Variants in STAB2 observed in about 807,000 individuals in gnomAD.
STAB2 encodes stabilin 2, also known as stabilin-2.
Under a neutral mutation model 338.1 loss-of-function variants are expected in STAB2, and 288 were observed. The ratio of observed to expected loss-of-function variants is 0.85; its 90% CI spans 0.77 to 0.94. The LOEUF (loss-of-function observed/expected upper bound fraction) is 0.94. STAB2 is among the 40% of genes least tolerant of loss of function. The pLI is 0.00. For missense variants in STAB2, 3,141 were observed against 3,210.1 expected (o/e 0.98, Z 0.52); for synonymous variants, 1,202 against 1,193.3 (o/e 1.01, Z -0.15).
intron 3 of STAB2, among the ~76,000 whole-genome samples, chr12:103,604,143 G>T (rs1956992629): frequency 6.6e-6 from 1 of 152,042 alleles, no homozygotes; most frequent in Non-Finnish European, 1.5e-5. Flanking sequence ...CAATAATGTT[G>T]TCTGTGAATA....
intron 61 of STAB2, among the ~76,000 whole-genome samples, chr12:103,754,495 A>C (rs1883940216): frequency 1.3e-5 from 2 of 152,140 alleles, no homozygotes; most frequent in South Asian, 4.1e-4. Context: ...GTGTTGACAC[A>C]TGAAAAACTC....
intron 60 of STAB2, among the ~76,000 whole-genome samples, chr12:103,751,572 C>A (rs1883655553): frequency 6.6e-6 from 1 of 152,096 alleles, no homozygotes; most frequent in Non-Finnish European, 1.5e-5. Context: ...AGGGGCACTT[C>A]CAAGCAGAAA....
intron 17 of STAB2, among the ~76,000 whole-genome samples, chr12:103,662,418 A>C (rs1331245591): frequency 6.6e-6 from 1 of 152,160 alleles, no homozygotes; most frequent in Admixed American, 6.5e-5. Flanking sequence ...ACTAAAACAT[A>C]AGCAAGAACT....
Position 103,749,841 on chromosome 12 carries a change from C to CAAAAAAAAAAAAA in STAB2, c.6438+704_6439-707dup, listed in dbSNP as rs369556936. Among the ~76,000 whole-genome samples the CAAAAAAAAAAAAA allele has an allele frequency of 6.3e-4, 32 of 51,156 alleles. 1 individual carries two copies. The highest frequency in any genetic ancestry group is 2.5e-3 in the East Asian group (4 of 1,596). 33.6% of individuals were successfully genotyped at this position (51,156 alleles called of 152,430 possible). A position where few individuals can be genotyped will look rare whatever the true frequency, so the allele number is the denominator to read the frequency against. ...GGTGACAGAGCAAGACTCTGTCTCA[C>CAAAAAAAAAAAAA]AAAAAAAAAAAAAAAAAAAAAAAAA... is the stretch of plus-strand genomic sequence containing the variant. On this transcript the variant is annotated intron_variant, in intron 59 of 68. Transcript: ENST00000388887.
chr12:103,658,113 G>C (rs1463291360), intron 15 of STAB2: 5 of 152,250 alleles, frequency 3.3e-5, no homozygotes, highest in Non-Finnish European at 5.9e-5. Flanking sequence ...AAGAGAGCAA[G>C]ACACCTGCCC....
At chr12:103,735,650 G>GC in intron 52 of STAB2, 70 bp downstream of exon 52, 1 of 1,213,114 alleles carries the variant, frequency 8.2e-7, no homozygotes, top group East Asian at 2.6e-5. Context: ...CCCAACAACT[G>GC]CCCCTTCAAG....
At chr12:103,754,962 T>A (rs200837978) in intron 61 of STAB2, 82 of 178,506 alleles carry the variant, frequency 4.6e-4, no homozygotes, top group Middle Eastern at 2.1e-3. Flanking sequence ...AAAAAAAAAA[T>A]TTGAGTTCTA....
At chr12:103,619,933 G>T (rs1449258358) in intron 3 of STAB2, among the ~76,000 whole-genome samples, 3 of 151,980 alleles carry the variant, frequency 2.0e-5, no homozygotes, top group Admixed American at 6.5e-5. Flanking sequence ...ACCTTCAAAA[G>T]CCCCATTTAA....
chr12:103,760,260 G>T (rs1047472911), intron 65 of STAB2, among the ~76,000 whole-genome samples: 1 of 152,082 alleles, frequency 6.6e-6, no homozygotes, highest in African/African-American at 2.4e-5. Context: ...TGTGTGGGGG[G>T]TGGTTTTTTG....
intron 36 of STAB2, 85 bp from the exon 37 acceptor site, chr12:103,705,547 C>A: frequency 1.9e-6 from 2 of 1,065,978 alleles, no homozygotes; most frequent in Non-Finnish European, 2.9e-6. Context: ...AGAGAGACAG[C>A]AATGCATCAC....
chr12:103,749,093 C>A lies in STAB2; in HGVS notation c.6375C>A (p.Asp2125Glu). ...ACGGGCACAGCTGCACAGAGATAGACCCCTGTGCAGACGGCCTTAACGGAG... is the reference window on the plus strand; with the variant it reads ...ACGGGCACAGCTGCACAGAGATAGAACCCTGTGCAGACGGCCTTAACGGAG... ...KGDGHSCTEI[D>E]PCADGLNGGC... Residue 2125 changes from aspartate (D) to glutamate (E), a missense_variant, in exon 59 of 69, where the codon GAC becomes GAA. Coordinates refer to ENST00000388887, the MANE Select transcript of STAB2 (RefSeq NM_017564.10). The A allele has an allele frequency of 1.2e-6, 2 of 1,613,928 alleles. No homozygotes were observed. The highest frequency in any genetic ancestry group is 1.7e-6 in the Non-Finnish European group (2 of 1,179,934).
chr12:103,704,576 T>C lies in STAB2; in HGVS notation c.3862T>C (p.Ser1288Pro), dbSNP rs370340294. ...TIIRGRCRTC[S>P]SELTCPFGTK... The stretch of plus-strand genomic sequence containing the variant: ...TACCAAGGGAAGATGTAGGACATGC[T>C]CCTCAGAGCTGACCTGCCCATTCGG... Residue 1288 changes from serine to proline, a missense_variant, in exon 36 of 69, where the codon TCC becomes CCC. Ser to Pro is a moderately conservative substitution (Grantham distance 74). Transcript: ENST00000388887. The C allele has an allele frequency of 4.8e-5, 77 of 1,613,414 alleles. No homozygotes were observed. The highest frequency in any genetic ancestry group is 6.4e-5 in the Non-Finnish European group (75 of 1,179,814).
intron 1 of STAB2, 101 bp downstream of exon 1, chr12:103,587,658 G>T: frequency 1.1e-6 from 1 of 926,024 alleles, no homozygotes; most frequent in Non-Finnish European, 1.7e-6. Context: ...GTGAAATCTG[G>T]ACTTTATAAA....
At position 103,668,028 on chromosome 12, in the gene STAB2, T is replaced by G. The variant is rs1029866082; in HGVS notation, c.2086-615T>G. Among the ~76,000 whole-genome samples the G allele has an allele frequency of 2.0e-5, 3 of 152,232 alleles. No homozygotes were observed. In the East Asian group the frequency reaches 5.8e-4, roughly 29 times the overall value. On this transcript the variant is annotated intron_variant, in intron 19 of 68. Coordinates refer to ENST00000388887, the MANE Select transcript of STAB2 (RefSeq NM_017564.10). The stretch of plus-strand genomic sequence containing the variant: ...ATGATTTAACCTGTCTGGGCCTGTT[T>G]CCTTATCTATAAAAAATGGCATGAG...
intron 44 of STAB2, among the ~76,000 whole-genome samples, chr12:103,722,628 G>A (rs1880854837): frequency 1.3e-5 from 2 of 152,168 alleles, no homozygotes. Context: ...CATGAAACTA[G>A]AGCAACTAAT....
In STAB2 at chr12:103,737,649, A is replaced by C. The variant is rs149242623; in HGVS notation, c.5566A>C (p.Asn1856His). 1.4e-3 allele frequency: 2,285 copies of C among 1,577,428 alleles called. 21 individuals are homozygous for C. The highest frequency in any genetic ancestry group is 5.0e-4 in the Non-Finnish European group (584 of 1,166,080). ...AGRDIGDLFL[N>H]GQTCRIVQRE... ...TCTTTCTTAGGGTGACCTCTTTCTG[A>C]ATGGCCAAACCTGCAGAATTGTGCA... The change falls in exon 53 of 69, where the codon AAT becomes CAT. Residue 1856 changes from asparagine (N) to histidine (H), a missense_variant. Physicochemically the swap from Asn to His is moderately conservative, Grantham distance 68. Transcript: ENST00000388887.
chr12:103,676,356 C>A (rs1055353424), intron 24 of STAB2, among the ~76,000 whole-genome samples: 10 of 152,198 alleles, frequency 6.6e-5, no homozygotes, highest in Non-Finnish European at 1.0e-4. Flanking sequence ...CGCGCCCAGC[C>A]CTGCCTGGTT....
chr12:103,669,667 C>A, intron 21 of STAB2, 40 bp downstream of exon 21: 1 of 1,577,136 alleles, frequency 6.3e-7, no homozygotes, highest in South Asian at 1.1e-5. Flanking sequence ...TCAAATCAAA[C>A]AATAATTTTT....
intron 67 of STAB2, chr12:103,763,248 G>A (rs1266094770): frequency 1.6e-5 from 8 of 494,994 alleles, no homozygotes; most frequent in Non-Finnish European, 2.9e-5. Context: ...CACATCCTGG[G>A]GTATGGAAAT....
Sources: allele counts gnomAD v4.1 joint callset (sites outside exome capture counted in the v4.1 genomes callset), GRCh38; gene constraint gnomAD v4.1.1; transcripts MANE v1.5; gene names NCBI Gene and HGNC (gene_info 2026-07-23, HGNC 2026-07-21).